Variants in ASTN2 observed in about 807,000 individuals in gnomAD.
ASTN2 encodes the protein astrotactin-2.
Under a neutral mutation model 139.8 loss-of-function variants are expected in ASTN2, and 54 were observed. The observed-to-expected ratio is 0.39, with a 90% CI of 0.31 to 0.48. ASTN2 has a LOEUF of 0.48. Ranked by LOEUF, ASTN2 falls within the 20% of genes least tolerant of loss-of-function variation. The pLI, the probability that ASTN2 is intolerant of heterozygous loss-of-function variation, is 0.95. For synonymous variants in ASTN2, 756 were observed against 719.5 expected (o/e 1.05, Z -0.81); for missense variants, 1,565 against 1,725.1 (o/e 0.91, Z 1.64).
At chr9:116,428,515 A>C (rs973402731) in intron 22 of ASTN2, among the ~76,000 whole-genome samples, 3 of 149,776 alleles carry the variant, frequency 2.0e-5, no homozygotes, top group Non-Finnish European at 4.5e-5. Context: ...CAAGAGCAAA[A>C]CTCCACCTCA....
chr9:116,479,444 G>A (rs1159780004), intron 20 of ASTN2, among the ~76,000 whole-genome samples: 1 of 149,252 alleles, frequency 6.7e-6, no homozygotes, highest in Non-Finnish European at 1.5e-5. Context: ...GTGGTGGACA[G>A]GCCAGCAATG....
chr9:117,306,815 C>A (rs1357795371), intron 1 of ASTN2, among the ~76,000 whole-genome samples: 2 of 152,010 alleles, frequency 1.3e-5, no homozygotes, highest in East Asian at 3.9e-4. Context: ...CTTTAATGAC[C>A]ACTGACTCAG....
chr9:116,919,686 C>T (rs1253548714), intron 10 of ASTN2, among the ~76,000 whole-genome samples: 2 of 142,738 alleles, frequency 1.4e-5, no homozygotes, highest in African/African-American at 2.6e-5. Context: ...TAGCTCACAC[C>T]TGTAATCAGC....
At chr9:116,762,507 G>A (rs999970645) in intron 13 of ASTN2, among the ~76,000 whole-genome samples, 2 of 152,198 alleles carry the variant, frequency 1.3e-5, no homozygotes, top group Non-Finnish European at 2.9e-5. Context: ...TGTAGATTAG[G>A]TGTTGGCAAA....
chr9:117,274,802 G>A (rs1459870997), intron 2 of ASTN2, among the ~76,000 whole-genome samples: 1 of 152,174 alleles, frequency 6.6e-6, no homozygotes, highest in Non-Finnish European at 1.5e-5. Context: ...AAAGGGGTGG[G>A]CCTTTCCTCT....
chr9:116,970,392 C>T (rs536041425), intron 10 of ASTN2, among the ~76,000 whole-genome samples: 1 of 152,272 alleles, frequency 6.6e-6, no homozygotes, highest in African/African-American at 2.4e-5. Context: ...TAGTGACTTC[C>T]TGCTAACACT....
Position 117,108,438 on chromosome 9 carries a change from A to AACACACACACACACAC in ASTN2, c.1169-12303_1169-12288dup, listed in dbSNP as rs3041147. ...TTTGGAAAAAAACAAAACAAAACAA[A>AACACACACACACACAC]ACACACACACACACACACACACACA... On this transcript the variant is annotated intron_variant, in intron 4 of 22. Transcript: ENST00000313400. Among the ~76,000 whole-genome samples, 646 of 145,342 alleles carry AACACACACACACACAC rather than the reference A, an allele frequency of 4.4e-3. 5 individuals are homozygous for AACACACACACACACAC. Among genetic ancestry groups the AACACACACACACACAC allele is most frequent in the South Asian group, 9.2e-3 (41 of 4,474 alleles).
chr9:116,767,192 T>C (rs574541546), intron 13 of ASTN2, among the ~76,000 whole-genome samples: 36 of 151,968 alleles, frequency 2.4e-4, no homozygotes, highest in African/African-American at 8.0e-4. Context: ...GTTTAGAAGA[T>C]GGAGAGAATG....
At chr9:116,486,164 A>T (rs188062379) in intron 20 of ASTN2, among the ~76,000 whole-genome samples, 8 of 152,356 alleles carry the variant, frequency 5.3e-5, no homozygotes, top group African/African-American at 1.9e-4. Context: ...ATTTGAATCC[A>T]TAGTCTGTGG....
intron 1 of ASTN2, among the ~76,000 whole-genome samples, chr9:117,359,966 A>G (rs1229871795): frequency 6.6e-6 from 1 of 152,214 alleles, no homozygotes; most frequent in Non-Finnish European, 1.5e-5. Flanking sequence ...GGCTTTTCTC[A>G]GAAGGAATAA....
At chr9:117,207,977 C>T (rs1048593656) in intron 3 of ASTN2, among the ~76,000 whole-genome samples, 7 of 152,214 alleles carry the variant, frequency 4.6e-5, no homozygotes, top group Non-Finnish European at 7.3e-5. Flanking sequence ...ACACACCAAA[C>T]TAACACCTCA....
chr9:116,507,795 T>TC (rs1850175724), intron 19 of ASTN2, among the ~76,000 whole-genome samples: 1 of 152,214 alleles, frequency 6.6e-6, no homozygotes, highest in Non-Finnish European at 1.5e-5. Context: ...TCACATCCAA[T>TC]CCCACCACTT....
chr9:116,901,633 A>G (rs1233738815), intron 10 of ASTN2, among the ~76,000 whole-genome samples: 1 of 152,248 alleles, frequency 6.6e-6, no homozygotes, highest in Non-Finnish European at 1.5e-5. Context: ...TGTGCAGTAT[A>G]TAATAGTTGA....
chr9:117,026,680 C>T (rs1230402247), intron 6 of ASTN2, among the ~76,000 whole-genome samples: 1 of 151,958 alleles, frequency 6.6e-6, no homozygotes, highest in Admixed American at 6.5e-5. Flanking sequence ...CCAGCTTAGG[C>T]AACCTCAGAT....
intron 5 of ASTN2, among the ~76,000 whole-genome samples, chr9:117,069,991 A>T (rs1828068968): frequency 6.8e-6 from 1 of 148,034 alleles, no homozygotes; most frequent in South Asian, 2.3e-4. Context: ...TTTTAATTGG[A>T]GAATTTAGTC....
At chr9:116,949,434 C>T (rs1278855271) in intron 10 of ASTN2, among the ~76,000 whole-genome samples, 2 of 152,110 alleles carry the variant, frequency 1.3e-5, no homozygotes, top group African/African-American at 4.8e-5. Flanking sequence ...CTCTCTCTTG[C>T]CTTTTCTTTG....
chr9:116,466,593 G>A (rs1371587677), intron 20 of ASTN2, among the ~76,000 whole-genome samples: 2 of 152,146 alleles, frequency 1.3e-5, no homozygotes, highest in Non-Finnish European at 1.5e-5. Context: ...AACATCCAGT[G>A]TAAGATGAGG....
At chr9:117,382,150 G>A (rs1830289652) in intron 1 of ASTN2, among the ~76,000 whole-genome samples, 1 of 152,152 alleles carries the variant, frequency 6.6e-6, no homozygotes, top group African/African-American at 2.4e-5. Context: ...TGGTCAACAT[G>A]ACTTGGAGGG....
At chr9:116,887,142 G>T (rs1833628835) in intron 10 of ASTN2, among the ~76,000 whole-genome samples, 1 of 152,124 alleles carries the variant, frequency 6.6e-6, no homozygotes, top group Admixed American at 6.6e-5. Flanking sequence ...TATTTCATAA[G>T]GTTGTTGGAT....
Sources: gnomAD v4.1 joint callset for allele counts (sites outside exome capture counted in the v4.1 genomes callset) on GRCh38, gnomAD v4.1.1 for gene constraint, MANE v1.5 for transcripts, NCBI Gene and HGNC (gene_info 2026-07-23, HGNC 2026-07-21) for gene names.